The following CYP19A1 variants were observed in gnomAD, a reference collection of about 807,000 sequenced individuals.
The protein encoded by CYP19A1 is aromatase.
Under a neutral mutation model 44.4 loss-of-function variants are expected in CYP19A1, and 32 were observed. The observed-to-expected ratio is 0.72, with a 90% CI of 0.54 to 0.97. The LOEUF is 0.97. Ranked by LOEUF, CYP19A1 falls within the 50% of genes least tolerant of loss-of-function variation. The pLI, the probability that CYP19A1 is intolerant of heterozygous loss-of-function variation, is 0.00. For missense variants in CYP19A1, 598 were observed against 637.8 expected (o/e 0.94, Z 0.67); for synonymous variants, 212 against 215.6 (o/e 0.98, Z 0.14).
intron 1 of CYP19A1, among the ~76,000 whole-genome samples, chr15:51,268,330 C>A (rs553801260): frequency 6.6e-6 from 1 of 152,268 alleles, no homozygotes; most frequent in Admixed American, 6.5e-5. Flanking sequence ...TTCTGGAATT[C>A]TATTGTCATA....
intron 1 of CYP19A1, among the ~76,000 whole-genome samples, chr15:51,306,688 G>A (rs1428194982): frequency 6.6e-6 from 1 of 152,194 alleles, no homozygotes; most frequent in African/African-American, 2.4e-5. Context: ...AAAAAGCACG[G>A]CACTGTGCCA....
intron 5 of CYP19A1, 71 bp from the exon 6 acceptor site, chr15:51,218,726 C>T: frequency 6.5e-7 from 1 of 1,549,826 alleles, no homozygotes; most frequent in Non-Finnish European, 8.7e-7. Context: ...GAAGGTTGCT[C>T]TGAGCAGAAA....
At chr15:51,321,961 A>C (rs1261891909) in intron 1 of CYP19A1, 1 of 152,008 alleles carries the variant, frequency 6.6e-6, no homozygotes, top group Non-Finnish European at 1.5e-5. Flanking sequence ...AAAAAAAAAA[A>C]ACATAATAAA....
At chr15:51,332,526 C>A (rs775055049) in intron 1 of CYP19A1, among the ~76,000 whole-genome samples, 1 of 152,200 alleles carries the variant, frequency 6.6e-6, no homozygotes, top group Non-Finnish European at 1.5e-5. Context: ...ATTTAACTGA[C>A]GATGTGTTGT....
chr15:51,216,595 G>A (rs976305339), intron 6 of CYP19A1, among the ~76,000 whole-genome samples: 1 of 152,186 alleles, frequency 6.6e-6, no homozygotes, highest in African/African-American at 2.4e-5. Flanking sequence ...AGACAGTTGA[G>A]TTTGAGATTC....
chr15:51,240,334 C>G (rs2033679150), intron 2 of CYP19A1, among the ~76,000 whole-genome samples: 1 of 152,144 alleles, frequency 6.6e-6, no homozygotes. Context: ...AGTTGTGTGA[C>G]TCTTTGAGTC....
chr15:51,309,699 G>C (rs2036277279), intron 1 of CYP19A1, among the ~76,000 whole-genome samples: 1 of 152,210 alleles, frequency 6.6e-6, no homozygotes, highest in Non-Finnish European at 1.5e-5. Flanking sequence ...GCTCAGAGGA[G>C]AGAAACAATG....
chr15:51,300,822 G>A (rs1221631868), intron 1 of CYP19A1, among the ~76,000 whole-genome samples: 1 of 152,126 alleles, frequency 6.6e-6, no homozygotes, highest in African/African-American at 2.4e-5. Context: ...AAAAATATAT[G>A]GTAATGAGGA....
chr15:51,219,980 G>A (rs2141055070), intron 5 of CYP19A1, among the ~76,000 whole-genome samples: 2 of 152,326 alleles, frequency 1.3e-5, no homozygotes, highest in South Asian at 4.1e-4. Flanking sequence ...CAGATGAAGT[G>A]TCTCCAGCTC....
At position 51,285,694 on chromosome 15, in the gene CYP19A1, A is replaced by C. The variant is rs191290336; in HGVS notation, c.-38-42744T>G. 7.9e-5 allele frequency among the ~76,000 whole-genome samples: 12 copies of C among 152,300 alleles called. No individual in the cohort carries two copies. The East Asian group carries it at 2.3e-3, about 29-fold the overall frequency. On this transcript the variant is annotated intron_variant, in intron 1 of 9. Transcript: ENST00000396402. ...TCCATATGCTTCAAAGGAAATGCTA[A>C]ACTTTCACAGCTGTAGATCATGCAC...
At chr15:51,326,349 C>A (rs2036608294) in intron 1 of CYP19A1, among the ~76,000 whole-genome samples, 1 of 152,184 alleles carries the variant, frequency 6.6e-6, no homozygotes, top group Non-Finnish European at 1.5e-5. Context: ...ATTGCATGGG[C>A]TGCCTCAGAT....
intron 1 of CYP19A1, among the ~76,000 whole-genome samples, chr15:51,286,821 G>T (rs2035713867): frequency 6.6e-6 from 1 of 152,196 alleles, no homozygotes; most frequent in Admixed American, 6.5e-5. Context: ...AGCATAGGAG[G>T]ATACATTGGC....
At chr15:51,225,960 G>T (rs1409687913) in intron 4 of CYP19A1, among the ~76,000 whole-genome samples, 1 of 151,790 alleles carries the variant, frequency 6.6e-6, no homozygotes, top group Non-Finnish European at 1.5e-5. Flanking sequence ...GTGGTGGTGG[G>T]CACCTGTAGT....
intron 1 of CYP19A1, among the ~76,000 whole-genome samples, chr15:51,273,296 A>C (rs192303995): frequency 4.8e-4 from 73 of 152,334 alleles, no homozygotes; most frequent in Non-Finnish European, 9.6e-4. Flanking sequence ...ATCAATAGGC[A>C]GAATAGTGTT....
chr15:51,335,139 G>A (rs2036756629), intron 1 of CYP19A1, among the ~76,000 whole-genome samples: 3 of 151,136 alleles, frequency 2.0e-5, no homozygotes, highest in South Asian at 2.1e-4. Flanking sequence ...GTGACAATTG[G>A]GTACACTACA....
intron 1 of CYP19A1, among the ~76,000 whole-genome samples, chr15:51,308,330 C>T (rs1220997320): frequency 6.6e-6 from 1 of 152,242 alleles, no homozygotes; most frequent in African/African-American, 2.4e-5. Flanking sequence ...CTGTCCCCAA[C>T]TTACCCTCCT....
At chr15:51,278,237 G>C (rs1224527791) in intron 1 of CYP19A1, 1 of 152,056 alleles carries the variant, frequency 6.6e-6, no homozygotes, top group African/African-American at 2.4e-5. Flanking sequence ...TGTCATTTCA[G>C]CTCGCCCCCT....
chr15:51,255,445 A>G (rs147678753), intron 1 of CYP19A1: 88 of 152,250 alleles, frequency 5.8e-4, no homozygotes, highest in African/African-American at 2.0e-3. Context: ...AAACCCAGTT[A>G]AAGTAATTAA....
At chr15:51,291,921 G>C (rs911263729) in intron 1 of CYP19A1, among the ~76,000 whole-genome samples, 2 of 152,336 alleles carry the variant, frequency 1.3e-5, no homozygotes, top group African/African-American at 4.8e-5. Context: ...GGAAAGAGAA[G>C]CCATCAGCTT....
Sources: gnomAD v4.1 joint callset for allele counts (sites outside exome capture counted in the v4.1 genomes callset) on GRCh38, gnomAD v4.1.1 for gene constraint, MANE v1.5 for transcripts, NCBI Gene and HGNC (gene_info 2026-07-23, HGNC 2026-07-21) for gene names.